KCNG3: variants seen among roughly 807,000 people sequenced by gnomAD.
KCNG3 encodes the protein voltage-gated potassium channel regulatory subunit KCNG3.
Under a neutral mutation model 29.0 loss-of-function variants are expected in KCNG3, and 15 were observed. The observed-to-expected ratio is 0.52, with a 90% CI of 0.35 to 0.80. The LOEUF (loss-of-function observed/expected upper bound fraction) is 0.80, where lower values mean the gene tolerates loss of function less well. Ranked by LOEUF, KCNG3 falls within the 30% of genes least tolerant of loss-of-function variation. The pLI, the probability that KCNG3 is intolerant of heterozygous loss-of-function variation, is 0.01. For missense variants in KCNG3, 512 were observed against 605.7 expected (o/e 0.85, Z 1.62); for synonymous variants, 322 against 248.9 (o/e 1.29, Z -2.76).
chr2:42,399,379 G>C, the KCNG3 span, among the ~76,000 whole-genome samples: 1 of 151,904 alleles, frequency 6.6e-6, no homozygotes, highest in South Asian at 2.1e-4. Flanking sequence ...TTTTTTATTT[G>C]TGGAAGTTCT....
chr2:42,432,949 C>A, the KCNG3 span, among the ~76,000 whole-genome samples: 4,316 of 121,434 alleles, frequency 0.036, 81 homozygotes, highest in Non-Finnish European at 0.054. Context: ...AAAAAAAAAA[C>A]AAAAAAACAA....
chr2:42,483,568 C>A (rs1173407901), intron 1 of KCNG3, among the ~76,000 whole-genome samples: 1 of 152,190 alleles, frequency 6.6e-6, no homozygotes, highest in Non-Finnish European at 1.5e-5. Context: ...GTACCTAAAT[C>A]TCAGGCATAA....
intron 1 of KCNG3, among the ~76,000 whole-genome samples, chr2:42,483,942 T>C (rs1269708374): frequency 1.3e-5 from 2 of 152,046 alleles, no homozygotes; most frequent in Non-Finnish European, 2.9e-5. Flanking sequence ...CAGGAGCACG[T>C]CACCACACCC....
chr2:42,458,331 T>C (rs940689276), intron 1 of KCNG3, among the ~76,000 whole-genome samples: 17 of 152,182 alleles, frequency 1.1e-4, no homozygotes, highest in African/African-American at 3.9e-4. Context: ...GACAGGAACA[T>C]GCGCCCTTGC....
At position 42,444,231 on chromosome 2, in the gene KCNG3, A is replaced by G. The variant is rs1447908231; in HGVS notation, c.1014T>C (p.Ser338=). ...CATGTTCAAGAAGCTGAGAAAGTGC[A>G]CTAAAGATTGCCATGGCAACACAAA... is the stretch of plus-strand genomic sequence containing the variant. ...VFICVAMAIF[S]ALSQLLEHGL... is the part of the protein sequence containing the mutation. Residue 338 remains serine (S), a synonymous_variant, in exon 2 of 2, where the codon AGT becomes AGC. Transcript: ENST00000306078. This position sits in a 1 kb window ranked among gnomAD's most constrained non-coding sequence, Gnocchi z 5.8. The G allele has an allele frequency of 6.2e-7, 1 of 1,614,198 alleles. No individual in the cohort carries two copies. The highest frequency in any genetic ancestry group is 1.1e-5 in the South Asian group (1 of 91,072).
At chr2:42,388,475 A>G in the KCNG3 span, 1 of 152,246 alleles carries the variant, frequency 6.6e-6, no homozygotes, top group African/African-American at 2.4e-5. Context: ...GCCATAAAAT[A>G]CCACAGACTG....
At position 42,493,507 on chromosome 2, in the gene KCNG3, G is replaced by A. The variant is rs763162047; in HGVS notation, c.-6C>T. ...CCGCTGCGCCCGAAGGTCATGGCTG[G>A]CCGCCCGGGGGACTTTCGGCCCGAG... On this transcript the variant is annotated 5_prime_UTR_variant, in exon 1 of 2. Coordinates refer to ENST00000306078, the MANE Select transcript of KCNG3 (RefSeq NM_133329.6). The A allele has an allele frequency of 2.9e-6, 4 of 1,368,208 alleles. No homozygotes were observed. Among genetic ancestry groups the A allele is most frequent in the African/African-American group, 1.5e-5 (1 of 65,240 alleles). 84.8% of individuals were successfully genotyped at this position (1,368,208 alleles called of 1,614,324 possible).
chr2:42,489,201 C>A (rs930258418), intron 1 of KCNG3, among the ~76,000 whole-genome samples: 1 of 151,928 alleles, frequency 6.6e-6, no homozygotes, highest in East Asian at 2.0e-4. Context: ...GCCACCACGC[C>A]TGGCCTGTGA....
intron 1 of KCNG3, among the ~76,000 whole-genome samples, chr2:42,454,413 A>C (rs1354016669): frequency 6.6e-6 from 1 of 152,202 alleles, no homozygotes; most frequent in Non-Finnish European, 1.5e-5. Context: ...TTAATATTGA[A>C]TTTAAAATTG....
intron 1 of KCNG3, among the ~76,000 whole-genome samples, chr2:42,445,957 C>T (rs886238504): frequency 6.6e-6 from 1 of 151,892 alleles, no homozygotes; most frequent in African/African-American, 2.4e-5. Flanking sequence ...GAACTCCTTA[C>T]GTCAGTTGTT....
chr2:42,399,216 C>T, the KCNG3 span, among the ~76,000 whole-genome samples: 1 of 151,958 alleles, frequency 6.6e-6, no homozygotes, highest in Non-Finnish European at 1.5e-5. Flanking sequence ...GTCACCACAC[C>T]TGGCTAATTT....
chr2:42,445,327 T>C (rs894004308), intron 1 of KCNG3, among the ~76,000 whole-genome samples: 7 of 152,150 alleles, frequency 4.6e-5, no homozygotes. Flanking sequence ...TGGACCTATC[T>C]AAGTTTTTTG....
chr2:42,416,882 G>A, the KCNG3 span, among the ~76,000 whole-genome samples: 2 of 151,626 alleles, frequency 1.3e-5, no homozygotes, highest in Admixed American at 1.3e-4. Context: ...TAACTGCTCT[G>A]ATTTGATCAC....
the KCNG3 span, among the ~76,000 whole-genome samples, chr2:42,400,171 T>C: frequency 6.6e-6 from 1 of 152,006 alleles, no homozygotes; most frequent in African/African-American, 2.4e-5. Context: ...TCCTGTCCAA[T>C]AGGTCCACTT....
chr2:42,475,714 C>G (rs931999807), intron 1 of KCNG3, among the ~76,000 whole-genome samples: 2 of 151,248 alleles, frequency 1.3e-5, no homozygotes, highest in Non-Finnish European at 2.9e-5. Flanking sequence ...GTTACCACTC[C>G]AAGTATTAAT....
chr2:42,432,584 G>C, the KCNG3 span, among the ~76,000 whole-genome samples: 1 of 152,140 alleles, frequency 6.6e-6, no homozygotes, highest in Non-Finnish European at 1.5e-5. Flanking sequence ...AGAAGCATGA[G>C]GTCAGGTAAA....
At chr2:42,411,132 T>G in the KCNG3 span, among the ~76,000 whole-genome samples, 1 of 152,332 alleles carries the variant, frequency 6.6e-6, no homozygotes, top group Non-Finnish European at 1.5e-5. Flanking sequence ...TTCTGTTCTG[T>G]TTTATTGATA....
intron 1 of KCNG3, among the ~76,000 whole-genome samples, chr2:42,489,874 C>T (rs1238952398): frequency 6.6e-6 from 1 of 152,198 alleles, no homozygotes; most frequent in East Asian, 1.9e-4. Context: ...CCAGAGTTGT[C>T]ATTTCTCCTC....
At chr2:42,474,512 G>GC (rs1673374985) in intron 1 of KCNG3, among the ~76,000 whole-genome samples, 2 of 152,122 alleles carry the variant, frequency 1.3e-5, no homozygotes, top group South Asian at 4.2e-4. Context: ...TGGTGACAGA[G>GC]CAAGACTCCA....
Sources: gnomAD v4.1 joint callset for allele counts (sites outside exome capture counted in the v4.1 genomes callset) on GRCh38, gnomAD v4.1.1 for gene constraint, Gnocchi (gnomAD v3.1) non-coding constraint, MANE v1.5 for transcripts, NCBI Gene and HGNC (gene_info 2026-07-23, HGNC 2026-07-21) for gene names.